Variants in GYS2 observed in about 807,000 individuals in gnomAD.
GYS2 encodes the protein glycogen [starch] synthase, liver.
A neutral mutation model predicts 85.6 loss-of-function variants in GYS2; 80 were observed. The ratio of observed to expected loss-of-function variants is 0.93; its 90% CI spans 0.78 to 1.13. The LOEUF is 1.13. Among genes scored for constraint, GYS2 ranks in the 50% most tolerant of loss-of-function variants. The pLI, the probability that GYS2 is intolerant of heterozygous loss-of-function variation, is 0.00. For missense variants in GYS2, 881 were observed against 854.9 expected (o/e 1.03, Z -0.38); for synonymous variants, 328 against 300.7 (o/e 1.09, Z -0.94).
At chr12:21,543,756 C>G (rs1347953434) in intron 12 of GYS2, among the ~76,000 whole-genome samples, 1 of 152,076 alleles carries the variant, frequency 6.6e-6, no homozygotes, top group Admixed American at 6.6e-5. Context: ...CCCCACAACC[C>G]GACAGGCCCC....
intron 11 of GYS2, among the ~76,000 whole-genome samples, chr12:21,556,710 A>G (rs371192627): frequency 2.7e-4 from 36 of 134,632 alleles, no homozygotes; most frequent in South Asian, 1.6e-3. Context: ...TTTGATTTTT[A>G]GGAAGCATTG....
intron 9 of GYS2, 82 bp downstream of exon 9, chr12:21,559,569 T>C (rs562162442): frequency 5.6e-5 from 46 of 815,284 alleles, no homozygotes; most frequent in South Asian, 4.9e-4. Context: ...GGAACAAAAT[T>C]AATAAGTTAT....
intron 4 of GYS2, among the ~76,000 whole-genome samples, chr12:21,571,183 G>A (rs1404271724): frequency 6.6e-6 from 1 of 152,166 alleles, no homozygotes; most frequent in African/African-American, 2.4e-5. Context: ...GAAGTCGGGT[G>A]GGTGTGCATG....
chr12:21,591,911 G>A (rs1944643797), intron 1 of GYS2, among the ~76,000 whole-genome samples: 1 of 152,066 alleles, frequency 6.6e-6, no homozygotes, highest in Non-Finnish European at 1.5e-5. Flanking sequence ...AAAAATGAAG[G>A]ATAAATAAAA....
At chr12:21,571,283 C>A (rs1044142682) in intron 4 of GYS2, among the ~76,000 whole-genome samples, 2 of 152,140 alleles carry the variant, frequency 1.3e-5, no homozygotes, top group African/African-American at 4.8e-5. Context: ...GAAACCTTAT[C>A]CGTTTACACA....
In GYS2 at chr12:21,564,294, G is replaced by T. The variant is rs1255652866; in HGVS notation, c.824-949C>A. Among the ~76,000 whole-genome samples, 5 of 152,250 alleles carry T rather than the reference G, an allele frequency of 3.3e-5. No individual in the cohort carries two copies. In the East Asian group the frequency reaches 9.7e-4, roughly 29 times the overall value. On this transcript the variant is annotated intron_variant, in intron 5 of 15. Transcript: ENST00000261195. ...AAAAATACAAAAATTAGTCAGGCATGGTGGTGTGCGCCTGTAGTCCCAGCT... is the reference window on the plus strand; with the variant it reads ...AAAAATACAAAAATTAGTCAGGCATTGTGGTGTGCGCCTGTAGTCCCAGCT...
intron 1 of GYS2, among the ~76,000 whole-genome samples, chr12:21,582,791 G>T (rs1944527659): frequency 2.0e-5 from 3 of 152,106 alleles, no homozygotes; most frequent in African/African-American, 7.2e-5. Context: ...ACCCAAATAT[G>T]CTAAGGACTC....
intron 11 of GYS2, among the ~76,000 whole-genome samples, chr12:21,551,889 T>A (rs1944115169): frequency 6.6e-6 from 1 of 152,188 alleles, no homozygotes; most frequent in African/African-American, 2.4e-5. Context: ...TGTGTCTACT[T>A]TAGCGTTTCC....
Position 21,540,520 on chromosome 12 carries a change from G to A in GYS2, c.1699C>T (p.Leu567=). 1 of 1,613,904 alleles carries A rather than the reference G, an allele frequency of 6.2e-7. No homozygotes were observed. The highest frequency in any genetic ancestry group is 8.5e-7 in the Non-Finnish European group (1 of 1,179,818). Residue 567 remains leucine (L), a synonymous_variant, in exon 14 of 16, where the codon CTG becomes TTG. Transcript: ENST00000261195. ...CAAAATCCATAGAGAAACTTAGTCA[G>A]CTGATTGCAAGAATCATCTGGAGAA... ...FRSPDDSCNQ[L]TKFLYGFCKQ...
At chr12:21,538,007 A>G (rs567498916) in intron 15 of GYS2, among the ~76,000 whole-genome samples, 5 of 152,334 alleles carry the variant, frequency 3.3e-5, no homozygotes, top group African/African-American at 1.2e-4. Context: ...CCTGTCAGCA[A>G]TACAACAAAA....
rs763037728 is a variant in GYS2 at position 21,559,647 on chromosome 12, C to G, written c.1229+4G>C. On this transcript the variant is annotated splice_donor_region_variant and intron_variant, in intron 9 of 15. Transcript: ENST00000261195. ...TTGAAGTAGAAAGCATTTCAAGCACCTACCTTAATAATGCATCATAGAGTT... is the reference window on the plus strand; with the variant it reads ...TTGAAGTAGAAAGCATTTCAAGCACGTACCTTAATAATGCATCATAGAGTT... 6.7e-7 allele frequency: 1 copy of G among 1,503,426 alleles called. No individual in the cohort carries two copies. The highest frequency in any genetic ancestry group is 9.3e-7 in the Non-Finnish European group (1 of 1,078,828). 93.1% of individuals were successfully genotyped at this position (1,503,426 alleles called of 1,614,324 possible).
At chr12:21,545,204 G>T (rs1944024174) in intron 12 of GYS2, among the ~76,000 whole-genome samples, 1 of 152,154 alleles carries the variant, frequency 6.6e-6, no homozygotes, top group African/African-American at 2.4e-5. Flanking sequence ...CCACTTTGGG[G>T]AGCCAAGGCA....
chr12:21,581,391 T>G (rs532576127), intron 1 of GYS2, among the ~76,000 whole-genome samples: 1 of 152,308 alleles, frequency 6.6e-6, no homozygotes, highest in Non-Finnish European at 1.5e-5. Context: ...AAAATCCCTG[T>G]CCTGTTCTGT....
At chr12:21,591,184 G>A (rs1944634913) in intron 1 of GYS2, among the ~76,000 whole-genome samples, 1 of 152,008 alleles carries the variant, frequency 6.6e-6, no homozygotes, top group Admixed American at 6.6e-5. Context: ...AATCCAAAAT[G>A]TTGATATTAA....
rs529223623 is a variant in GYS2, at chr12:21,550,803, T to C, written c.1423-4333A>G. Among the ~76,000 whole-genome samples, 9 of 152,208 alleles carry C rather than the reference T, an allele frequency of 5.9e-5. No homozygotes were observed. The South Asian group carries it at 6.2e-4, about 11-fold the overall frequency. On this transcript the variant is annotated intron_variant, in intron 11 of 15. Coordinates refer to ENST00000261195, the MANE Select transcript of GYS2 (RefSeq NM_021957.4). ...TAAAAATACAAAAATCAGCTGGGTG[T>C]GGTGGCATGCACCTGTAGTCCCAGC...
At chr12:21,542,445 T>C (rs746975358) in intron 13 of GYS2, 51 bp downstream of exon 13, 3 of 1,078,968 alleles carry the variant, frequency 2.8e-6, no homozygotes, top group Non-Finnish European at 4.3e-6. Context: ...TGTGCTTTGT[T>C]TGGTTAGAGG....
chr12:21,597,050 G>A (rs917168366), intron 1 of GYS2, among the ~76,000 whole-genome samples: 3 of 151,802 alleles, frequency 2.0e-5, no homozygotes, highest in Non-Finnish European at 2.9e-5. Flanking sequence ...CATATAAAAC[G>A]TACTCTCAAG....
chr12:21,534,631 G>A (rs545928628), downstream of GYS2, among the ~76,000 whole-genome samples: 1 of 151,922 alleles, frequency 6.6e-6, no homozygotes, highest in African/African-American at 2.4e-5. Flanking sequence ...AAAAAAGAGA[G>A]AAAGAAAGAA....
intron 12 of GYS2, among the ~76,000 whole-genome samples, chr12:21,544,650 A>G (rs1422171704): frequency 6.6e-6 from 1 of 152,228 alleles, no homozygotes; most frequent in Non-Finnish European, 1.5e-5. Context: ...ATTGCAAGCA[A>G]TTTGAGATAT....
Sources: allele counts gnomAD v4.1 joint callset (sites outside exome capture counted in the v4.1 genomes callset), GRCh38; gene constraint gnomAD v4.1.1; transcripts MANE v1.5; gene names NCBI Gene and HGNC (gene_info 2026-07-23, HGNC 2026-07-21).